Variants in DHX8 observed in about 807,000 individuals in gnomAD.
The protein encoded by DHX8 is DEAH-box helicase 8, also known as ATP-dependent RNA helicase DHX8.
A neutral mutation model predicts 140.7 loss-of-function variants in DHX8; 67 were observed. That is an observed-to-expected ratio of 0.48 (90% confidence interval 0.39 to 0.58). The LOEUF (loss-of-function observed/expected upper bound fraction) is 0.58, where lower values mean the gene tolerates loss of function less well. Ranked by LOEUF, DHX8 falls within the 20% of genes least tolerant of loss-of-function variation. The probability of loss-of-function intolerance (pLI) is 0.00; values close to 1 mark genes in which losing one functional copy is unlikely to be tolerated. For synonymous variants in DHX8, 533 were observed against 553.2 expected (o/e 0.96, Z 0.51); for missense variants, 887 against 1,550.7 (o/e 0.57, Z 7.19).
intron 19 of DHX8, 91 bp downstream of exon 19, chr17:43,520,358 C>T (rs143817565): frequency 8.2e-5 from 119 of 1,457,402 alleles, no homozygotes; most frequent in Admixed American, 2.5e-4. Context: ...AGGCTGAGGC[C>T]GTGGATAAGC....
At chr17:43,502,623 C>G (rs1969260465) in intron 11 of DHX8, among the ~76,000 whole-genome samples, 4 of 152,076 alleles carry the variant, frequency 2.6e-5, no homozygotes. Context: ...CAGCGTTTCA[C>G]CATGTTGGTC....
chr17:43,541,541 T>TA lies in DHX8; in HGVS notation c.*21-2614dup, dbSNP rs200724599. Among the ~76,000 whole-genome samples the TA allele has an allele frequency of 2.2e-3, 337 of 151,300 alleles. 2 individuals are homozygous for TA. Among genetic ancestry groups the TA allele is most frequent in the African/African-American group, 7.7e-3 (316 of 41,194 alleles). ...CTCTCCTTTCAAAAAGGGGGGTTAG[T>TA]AAAAAAAGAGGAGGGGCTTGGGGGG... is the stretch of plus-strand genomic sequence containing the variant. On this transcript the variant is annotated intron_variant, in intron 3 of 3. Coordinates refer to the DHX8 transcript ENST00000589898.
At chr17:43,498,125 T>G (rs868392517) in intron 9 of DHX8, among the ~76,000 whole-genome samples, 5 of 152,038 alleles carry the variant, frequency 3.3e-5, no homozygotes, top group Middle Eastern at 6.8e-3. Flanking sequence ...TTGCTGTCCT[T>G]TGACCTGGGA....
downstream of DHX8, chr17:43,528,411 G>T: frequency 1.3e-6 from 1 of 752,340 alleles, no homozygotes; most frequent in Non-Finnish European, 2.2e-6. Context: ...GTGGGGATCT[G>T]CCCCAGAGAC....
At chr17:43,489,659 C>T in intron 2 of DHX8, 125 bp downstream of exon 2, 8 of 603,296 alleles carry the variant, frequency 1.3e-5, no homozygotes, top group Non-Finnish European at 1.7e-5. Context: ...GGCGCCACCT[C>T]AGCTCACTGC....
chr17:43,510,442 A>G (rs907485437), intron 16 of DHX8, among the ~76,000 whole-genome samples: 2 of 152,208 alleles, frequency 1.3e-5, no homozygotes, highest in Admixed American at 6.5e-5. Context: ...AAATCCAAGT[A>G]TGCTCAAGTC....
In DHX8 at chr17:43,507,102, A is replaced by AG; in HGVS notation, c.1832dup (p.Lys612GlnfsTer38). The AG allele has an allele frequency of 6.2e-7, 1 of 1,614,040 alleles. No homozygotes were observed. The highest frequency in any genetic ancestry group is 8.5e-7 in the Non-Finnish European group (1 of 1,180,022). On this transcript the variant is annotated frameshift_variant, in exon 13 of 23. Coordinates refer to ENST00000262415, the MANE Select transcript of DHX8 (RefSeq NM_004941.3). LOFTEE classifies it high-confidence loss of function. ...CCTGGCGGAGGCAGGCTACACTTCCAGGGGCAAGATTGGGTGTACCCAGCC... is the reference window on the plus strand; with the variant it reads ...CCTGGCGGAGGCAGGCTACACTTCCAGGGGGCAAGATTGGGTGTACCCAGCC...
intron 3 of DHX8, among the ~76,000 whole-genome samples, chr17:43,538,415 C>T (rs1971353954): frequency 6.6e-6 from 1 of 152,200 alleles, no homozygotes; most frequent in South Asian, 2.1e-4. Flanking sequence ...ATAGGTGCCT[C>T]ATCCCCTTAA....
At chr17:43,503,837 T>C (rs557518277) in intron 11 of DHX8, among the ~76,000 whole-genome samples, 38 of 152,094 alleles carry the variant, frequency 2.5e-4, no homozygotes, top group Non-Finnish European at 4.1e-4. Context: ...CTTTCTGATA[T>C]GATGAAAATA....
chr17:43,540,017 A>G (rs1042705990), intron 3 of DHX8, among the ~76,000 whole-genome samples: 4 of 152,250 alleles, frequency 2.6e-5, no homozygotes, highest in Non-Finnish European at 5.9e-5. Flanking sequence ...AAGTGACCAA[A>G]GACATCAATG....
chr17:43,533,036 G>T (rs1598200794), intron 2 of DHX8: 21 of 1,494,402 alleles, frequency 1.4e-5, no homozygotes, highest in Non-Finnish European at 1.8e-5. Flanking sequence ...GCTCCGGAAT[G>T]GGGGGTAGGG....
Position 43,524,288 on chromosome 17 carries a change from C to T in DHX8, c.*441C>T, listed in dbSNP as rs1334785018. 3 of 1,001,768 alleles carry T rather than the reference C, an allele frequency of 3.0e-6. No individual in the cohort carries two copies. Among genetic ancestry groups the T allele is most frequent in the Non-Finnish European group, 3.6e-6 (3 of 840,298 alleles). 62.1% of individuals were successfully genotyped at this position (1,001,768 alleles called of 1,614,324 possible). ...CAGCCCCTGTACTTTGGCTTGACCT[C>T]GTGGAAATATTTATTTTCTTAAGGA... is the stretch of plus-strand genomic sequence containing the variant. On this transcript the variant is annotated 3_prime_UTR_variant, in exon 23 of 23. Coordinates refer to ENST00000262415, the MANE Select transcript of DHX8 (RefSeq NM_004941.3).
downstream of DHX8, chr17:43,528,774 G>C (rs772504199): frequency 1.9e-6 from 3 of 1,593,864 alleles, no homozygotes; most frequent in Admixed American, 5.0e-5. Context: ...TGGTCAGCCT[G>C]GCTAGCCGCC....
intron 2 of DHX8, chr17:43,536,384 T>C: frequency 6.4e-7 from 1 of 1,564,206 alleles, no homozygotes; most frequent in Non-Finnish European, 8.8e-7. Flanking sequence ...CTTCCTGCCA[T>C]CCTCCACTCC....
Position 43,500,064 on chromosome 17 carries a change from A to T in DHX8, c.1507A>T (p.Met503Leu), listed in dbSNP as rs1969092978. 1 of 1,614,076 alleles carries T rather than the reference A, an allele frequency of 6.2e-7. No individual in the cohort carries two copies. The highest frequency in any genetic ancestry group is 1.7e-5 in the Admixed American group (1 of 60,006). The change falls in exon 11 of 23, where the codon ATG becomes TTG. Residue 503 changes from methionine (M) to leucine (L), a missense_variant. Met to Leu is a conservative substitution (Grantham distance 15, BLOSUM62 2). Transcript: ENST00000262415. ...QREAEMDSIP[M>L]GLNKHWVDPL... is the part of the protein sequence containing the mutation. Reference sequence around the variant, plus strand: ...GGAAGCTGAGATGGATTCTATTCCCATGGGACTCAACAAACACTGGGTTGA... The same window carrying T: ...GGAAGCTGAGATGGATTCTATTCCCTTGGGACTCAACAAACACTGGGTTGA...
chr17:43,515,985 TA>T (rs201586366), intron 17 of DHX8, among the ~76,000 whole-genome samples: 1 of 151,466 alleles, frequency 6.6e-6, no homozygotes, highest in South Asian at 2.1e-4. Flanking sequence ...TTTTTTTAAT[TA>T]AAAAAAAATC....
intron 20 of DHX8, 55 bp from the exon 21 acceptor site, chr17:43,521,314 T>C: frequency 6.8e-7 from 1 of 1,464,432 alleles, no homozygotes. Flanking sequence ...AATTGCTCCA[T>C]GTTCAGTTAG....
chr17:43,487,885 G>A (rs966115489), intron 1 of DHX8, among the ~76,000 whole-genome samples: 18 of 152,204 alleles, frequency 1.2e-4, no homozygotes, highest in African/African-American at 3.9e-4. Context: ...GCTGAGACAA[G>A]AGAATTGCTT....
At chr17:43,529,029 T>C, downstream of DHX8, 2 of 1,076,706 alleles carry the variant, frequency 1.9e-6, no homozygotes, top group East Asian at 4.7e-5. Context: ...TGATTCATTA[T>C]CTGATCCTAC....
Sources: allele counts gnomAD v4.1 joint callset (sites outside exome capture counted in the v4.1 genomes callset), GRCh38; gene constraint gnomAD v4.1.1; transcripts MANE v1.5; gene names NCBI Gene and HGNC (gene_info 2026-07-23, HGNC 2026-07-21).